Variants in TDRD3 observed in about 807,000 individuals in gnomAD.
TDRD3 encodes the protein tudor domain-containing protein 3.
A neutral mutation model predicts 86.7 loss-of-function variants in TDRD3; 45 were observed. That is an observed-to-expected ratio of 0.52 (90% CI 0.41 to 0.67). The LOEUF (loss-of-function observed/expected upper bound fraction) is 0.67, where lower values mean the gene tolerates loss of function less well. Among genes scored for constraint, TDRD3 ranks in the 30% least tolerant of loss-of-function variants. The pLI, the probability that TDRD3 is intolerant of heterozygous loss-of-function variation, is 0.00. For synonymous variants in TDRD3, 298 were observed against 301.7 expected (o/e 0.99, Z 0.13); for missense variants, 814 against 889.0 (o/e 0.92, Z 1.07).
intron 12 of TDRD3, chr13:60,547,478 C>A (rs751749603): frequency 4.5e-4 from 416 of 914,430 alleles, no homozygotes; most frequent in Non-Finnish European, 5.2e-4. Flanking sequence ...CACTTACTAC[C>A]TATGTGACTT....
At chr13:60,545,325 T>C (rs1957915695) in intron 12 of TDRD3, among the ~76,000 whole-genome samples, 1 of 152,164 alleles carries the variant, frequency 6.6e-6, no homozygotes. Flanking sequence ...TATAGACTTT[T>C]CAGAAACTTC....
intron 8 of TDRD3, among the ~76,000 whole-genome samples, chr13:60,495,972 A>T (rs1186056960): frequency 2.6e-5 from 4 of 151,876 alleles, no homozygotes. Flanking sequence ...ATTGATCCTG[A>T]GTGTGTCTGT....
intron 1 of TDRD3, among the ~76,000 whole-genome samples, chr13:60,434,693 GA>G (rs1403208501): frequency 9.6e-5 from 14 of 145,124 alleles, no homozygotes; most frequent in East Asian, 5.9e-4. Flanking sequence ...ATTAGAGAGT[GA>G]AAAAAAAAAG....
intron 5 of TDRD3, among the ~76,000 whole-genome samples, chr13:60,474,304 A>G (rs765786253): frequency 6.6e-6 from 1 of 152,090 alleles, no homozygotes; most frequent in Non-Finnish European, 1.5e-5. Flanking sequence ...CTTGTCTTGT[A>G]TCCAATAAAT....
At chr13:60,452,551 A>G (rs1955574287) in intron 3 of TDRD3, among the ~76,000 whole-genome samples, 1 of 152,134 alleles carries the variant, frequency 6.6e-6, no homozygotes, top group Admixed American at 6.6e-5. Context: ...ATGGAATCAC[A>G]TGATATATAG....
chr13:60,510,879 A>G (rs976436589), intron 10 of TDRD3, 124 bp downstream of exon 10: 5 of 913,052 alleles, frequency 5.5e-6, no homozygotes, highest in South Asian at 2.3e-5. Context: ...CAACTATAAT[A>G]TGAACGTATA....
chr13:60,420,444 G>T (rs1051341328), intron 1 of TDRD3, among the ~76,000 whole-genome samples: 9 of 151,652 alleles, frequency 5.9e-5, no homozygotes, highest in African/African-American at 2.2e-4. Flanking sequence ...CCTACTTCAA[G>T]TTTGTGAAGG....
chr13:60,415,314 C>T (rs1484030551), intron 1 of TDRD3, among the ~76,000 whole-genome samples: 1 of 152,012 alleles, frequency 6.6e-6, no homozygotes, highest in Non-Finnish European at 1.5e-5. Context: ...AACCGGGATC[C>T]AGTGCACAAT....
intron 5 of TDRD3, among the ~76,000 whole-genome samples, chr13:60,480,139 C>G (rs1434848573): frequency 6.6e-6 from 1 of 152,138 alleles, no homozygotes; most frequent in Non-Finnish European, 1.5e-5. Flanking sequence ...ATCATTTCTT[C>G]ATTTCCATGT....
rs117614694 is a variant in TDRD3, at chr13:60,430,608, T to A, written c.42-9080T>A. ...TTCATTTTATACTTTTAAATTTATGTGGAGTCATGGTTTACAAAGATGAAT... is the reference window on the plus strand; with the variant it reads ...TTCATTTTATACTTTTAAATTTATGAGGAGTCATGGTTTACAAAGATGAAT... On this transcript the variant is annotated intron_variant, in intron 1 of 13. Coordinates refer to ENST00000377881, the MANE Select transcript of TDRD3 (RefSeq NM_001146070.2). Among the ~76,000 whole-genome samples the A allele has an allele frequency of 3.3e-3, 496 of 152,214 alleles. 4 individuals are homozygous for A. Among genetic ancestry groups the A allele is most frequent in the East Asian group, 0.024 (127 of 5,184 alleles).
At chr13:60,399,537 T>C (rs1047026048) in intron 1 of TDRD3, among the ~76,000 whole-genome samples, 2 of 152,212 alleles carry the variant, frequency 1.3e-5, no homozygotes, top group Non-Finnish European at 2.9e-5. Context: ...GGACTTACTA[T>C]GTTAAAATTT....
intron 8 of TDRD3, among the ~76,000 whole-genome samples, chr13:60,498,702 T>C (rs1956768596): frequency 6.6e-6 from 1 of 152,160 alleles, no homozygotes; most frequent in African/African-American, 2.4e-5. Context: ...ACCGACAGTT[T>C]ATGCAGTGAG....
At chr13:60,504,889 G>A (rs1368169963) in intron 8 of TDRD3, among the ~76,000 whole-genome samples, 2 of 152,164 alleles carry the variant, frequency 1.3e-5, no homozygotes, top group Admixed American at 1.3e-4. Context: ...TGTGCCATGA[G>A]GAATAGTGGA....
At chr13:60,572,259 GA>G in intron 13 of TDRD3, among the ~76,000 whole-genome samples, 1 of 152,184 alleles carries the variant, frequency 6.6e-6, no homozygotes, top group East Asian at 1.9e-4. Context: ...CTACAATAGA[GA>G]ATATGAACCA....
upstream of TDRD3, among the ~76,000 whole-genome samples, chr13:60,396,281 A>C (rs1255484919): frequency 1.3e-5 from 2 of 152,174 alleles, no homozygotes; most frequent in Admixed American, 6.5e-5. Flanking sequence ...GCAATACGGG[A>C]CGCCGCAGAG....
At chr13:60,553,517 A>G (rs1463338217) in intron 12 of TDRD3, among the ~76,000 whole-genome samples, 1 of 151,800 alleles carries the variant, frequency 6.6e-6, no homozygotes, top group Non-Finnish European at 1.5e-5. Flanking sequence ...TGCTCTAGAG[A>G]TACTACCTGA....
chr13:60,528,304 TA>T lies in TDRD3; in HGVS notation c.1142-59del, dbSNP rs1957494208. The T allele has an allele frequency of 2.0e-6, 3 of 1,469,358 alleles. No individual in the cohort carries two copies. The Admixed American group carries it at 6.9e-5, about 34-fold the overall frequency. The allele number at this position is 1,469,358 out of a possible 1,614,324, so 91.0% of individuals were successfully genotyped here. On this transcript the variant is annotated intron_variant, in intron 10 of 13. Coordinates refer to ENST00000377881, the MANE Select transcript of TDRD3 (RefSeq NM_001146070.2). ...TTTGTATTAATAGAATAAAGCATTT[TA>T]AAATAATTATTAATGCAGAGTCTTC...
At chr13:60,520,278 T>G (rs1957261674) in intron 10 of TDRD3, among the ~76,000 whole-genome samples, 1 of 152,210 alleles carries the variant, frequency 6.6e-6, no homozygotes, top group Non-Finnish European at 1.5e-5. Context: ...TTGTGATCAT[T>G]TTTTCTGGGA....
chr13:60,407,696 G>T (rs537252446), intron 1 of TDRD3, among the ~76,000 whole-genome samples: 10 of 152,278 alleles, frequency 6.6e-5, no homozygotes, highest in Admixed American at 3.3e-4. Flanking sequence ...CTGTTTCAAG[G>T]TAATATTAGT....
Sources: allele counts gnomAD v4.1 joint callset (sites outside exome capture counted in the v4.1 genomes callset), GRCh38; gene constraint gnomAD v4.1.1; transcripts MANE v1.5; gene names NCBI Gene and HGNC (gene_info 2026-07-23, HGNC 2026-07-21).